The following RC3H1 variants were observed in gnomAD, a reference collection of about 807,000 sequenced individuals.
RC3H1 encodes the protein roquin-1.
In RC3H1, 50 loss-of-function variants were observed where a neutral mutation model predicts 138.2. The ratio of observed to expected loss-of-function variants is 0.36; its 90% CI spans 0.29 to 0.46. The LOEUF is 0.46. Among genes scored for constraint, RC3H1 ranks in the 20% least tolerant of loss-of-function variants. RC3H1 has a pLI of 1.00. For missense variants in RC3H1, 1,031 were observed against 1,388.1 expected (o/e 0.74, Z 4.09); for synonymous variants, 462 against 489.1 (o/e 0.94, Z 0.73).
At chr1:173,962,194 A>ATAATCTACT in intron 11 of RC3H1, 99 bp from the exon 12 acceptor site, 1 of 1,112,098 alleles carries the variant, frequency 9.0e-7, no homozygotes, top group Non-Finnish European at 1.3e-6. Flanking sequence ...TAAAGTATTG[A>ATAATCTACT]TAATCTACTT....
intron 10 of RC3H1, among the ~76,000 whole-genome samples, chr1:173,964,473 T>C (rs1387466449): frequency 2.0e-5 from 3 of 152,148 alleles, no homozygotes; most frequent in Non-Finnish European, 1.5e-5. Context: ...GTTCAAGCGA[T>C]TCTCATGCTT....
chr1:173,955,086 C>T (rs1206043405), intron 13 of RC3H1, among the ~76,000 whole-genome samples: 2 of 150,748 alleles, frequency 1.3e-5, no homozygotes, highest in Non-Finnish European at 3.0e-5. Context: ...ATTAGCCAAG[C>T]GTGGTGGCGG....
intron 2 of RC3H1, among the ~76,000 whole-genome samples, chr1:173,985,358 A>G (rs1660983459): frequency 6.7e-6 from 1 of 148,786 alleles, no homozygotes; most frequent in Non-Finnish European, 1.5e-5. Flanking sequence ...AAAACTGCCA[A>G]ACTATTTTCC....
rs1386934948 is a variant in RC3H1 at position 174,022,205 on chromosome 1, C to G, written c.-260G>C. ...GCCACCGTTGACTCTGATTCTGTCCCAGGCCGCCGGGCCACGGCTGCCGCC... is the reference window on the plus strand; with the variant it reads ...GCCACCGTTGACTCTGATTCTGTCCGAGGCCGCCGGGCCACGGCTGCCGCC... On this transcript the variant is annotated 5_prime_UTR_variant, in exon 1 of 20. Coordinates refer to ENST00000367696, the MANE Select transcript of RC3H1 (RefSeq NM_172071.4). The surrounding 1 kb of genome is among the most constrained non-coding windows in gnomAD (Gnocchi z 4.2). 7.6e-6 allele frequency: 3 copies of G among 395,104 alleles called. No homozygotes were observed. Among genetic ancestry groups the G allele is most frequent in the Non-Finnish European group, 1.3e-5 (3 of 224,532 alleles). 24.5% of individuals were successfully genotyped at this position (395,104 alleles called of 1,614,324 possible).
At chr1:173,974,619 C>T (rs1660498122) in intron 7 of RC3H1, among the ~76,000 whole-genome samples, 1 of 151,490 alleles carries the variant, frequency 6.6e-6, no homozygotes, top group Admixed American at 6.6e-5. Context: ...GTGTGCCTGG[C>T]ATGTTGCATG....
In RC3H1 at chr1:173,980,912, T is replaced by C. The variant is rs766132346; in HGVS notation, c.866A>G (p.Gln289Arg). Residue 289 changes from glutamine to arginine, a missense_variant, in exon 6 of 20, where the codon CAG becomes CGG. Coordinates refer to ENST00000367696, the MANE Select transcript of RC3H1 (RefSeq NM_172071.4). ...TCGTAAGCCTGCTTCCATAGCAATCTGCACTATCTGGGAGTCATGTTCTCG... is the reference window on the plus strand; with the variant it reads ...TCGTAAGCCTGCTTCCATAGCAATCCGCACTATCTGGGAGTCATGTTCTCG... Reference protein sequence around the residue: ...LRREHDSQIVQIAMEAGLRIA... With the variant: ...LRREHDSQIVRIAMEAGLRIA... 1 of 1,614,086 alleles carries C rather than the reference T, an allele frequency of 6.2e-7. No individual in the cohort carries two copies. Among genetic ancestry groups the C allele is most frequent in the Non-Finnish European group, 8.5e-7 (1 of 1,179,942 alleles).
intron 19 of RC3H1, among the ~76,000 whole-genome samples, chr1:173,939,810 G>A (rs1044876787): frequency 5.3e-5 from 8 of 152,072 alleles, no homozygotes; most frequent in African/African-American, 1.4e-4. Flanking sequence ...ACTCCAGCCT[G>A]GGTGACGGAG....
chr1:173,983,802 C>T (rs777346636), intron 3 of RC3H1, 145 bp from the exon 4 acceptor site: 14 of 741,588 alleles, frequency 1.9e-5, no homozygotes, highest in African/African-American at 1.4e-4. Context: ...TAAAACCACA[C>T]ATGTAAAGCT....
chr1:174,012,918 T>A (rs1441615456), intron 1 of RC3H1, among the ~76,000 whole-genome samples: 2 of 150,392 alleles, frequency 1.3e-5, no homozygotes, highest in African/African-American at 2.5e-5. Flanking sequence ...TAGAGGAAAA[T>A]AAAAAACAAA....
At position 173,952,079 on chromosome 1, in the gene RC3H1, G is replaced by A; in HGVS notation, c.2430C>T (p.Tyr810=). ...GKYKGNDYSQ[Y]SPWSCDTIGS... is the part of the protein sequence containing the mutation. Reference sequence around the variant, plus strand: ...CGATGGTGTCACATGACCAGGGAGAGTATTGGCTATAATCATTTCCTTTGT... The same window carrying A: ...CGATGGTGTCACATGACCAGGGAGAATATTGGCTATAATCATTTCCTTTGT... Residue 810 remains tyrosine, a synonymous_variant, in exon 14 of 20, where the codon TAC becomes TAT. Coordinates refer to ENST00000367696, the MANE Select transcript of RC3H1 (RefSeq NM_172071.4). 1.9e-6 allele frequency: 3 copies of A among 1,602,058 alleles called. No individual in the cohort carries two copies. Among genetic ancestry groups the A allele is most frequent in the Non-Finnish European group, 2.6e-6 (3 of 1,174,304 alleles).
At chr1:174,016,961 G>C (rs1476867152) in intron 1 of RC3H1, among the ~76,000 whole-genome samples, 1 of 152,152 alleles carries the variant, frequency 6.6e-6, no homozygotes, top group Non-Finnish European at 1.5e-5. Context: ...TTTTAGAGGT[G>C]ATCAGGTATA....
At chr1:173,957,378 A>G (rs1041119651) in intron 13 of RC3H1, among the ~76,000 whole-genome samples, 21 of 152,190 alleles carry the variant, frequency 1.4e-4, no homozygotes, top group Non-Finnish European at 2.6e-4. Flanking sequence ...TAAAAAGATC[A>G]CACAGTGAAG....
chr1:173,938,573 A>T lies in RC3H1; in HGVS notation c.*148T>A. On this transcript the variant is annotated 3_prime_UTR_variant, in exon 20 of 20. Transcript: ENST00000367696. ...ACTATGTGCAGGGTTTGTTTTTAGT[A>T]GTGGTGTTTGTGCACATTGCCTCTG... 1.9e-6 allele frequency: 1 copy of T among 517,750 alleles called. No individual in the cohort carries two copies. The highest frequency in any genetic ancestry group is 3.4e-6 in the Non-Finnish European group (1 of 294,134). The allele number at this position is 517,750 out of a possible 1,614,324, so 32.1% of individuals were successfully genotyped here.
intron 13 of RC3H1, among the ~76,000 whole-genome samples, chr1:173,959,926 T>A (rs1659795791): frequency 6.6e-6 from 1 of 151,674 alleles, no homozygotes; most frequent in South Asian, 2.1e-4. Context: ...GCCAACATGG[T>A]GAAACCGTGT....
intron 1 of RC3H1, among the ~76,000 whole-genome samples, chr1:174,008,049 C>T (rs997583199): frequency 3.3e-5 from 5 of 152,162 alleles, no homozygotes; most frequent in Non-Finnish European, 5.9e-5. Flanking sequence ...CTATTACTTG[C>T]TTCTATTTCT....
intron 14 of RC3H1, among the ~76,000 whole-genome samples, chr1:173,951,553 T>C (rs915691764): frequency 3.9e-5 from 6 of 152,206 alleles, no homozygotes; most frequent in Non-Finnish European, 8.8e-5. Flanking sequence ...AAAATTTTTT[T>C]TTTTTGAGAC....
At chr1:173,985,325 G>C (rs141729659) in intron 2 of RC3H1, among the ~76,000 whole-genome samples, 1,876 of 147,736 alleles carry the variant, frequency 0.013, 43 homozygotes, top group African/African-American at 0.045. Context: ...TATATACCTA[G>C]GAGTCTGTAT....
intron 19 of RC3H1, among the ~76,000 whole-genome samples, chr1:173,939,434 G>C (rs1658737365): frequency 6.7e-6 from 1 of 149,654 alleles, no homozygotes; most frequent in African/African-American, 2.5e-5. Context: ...GGGAGGCAGA[G>C]GCACAAGAAT....
intron 7 of RC3H1, among the ~76,000 whole-genome samples, chr1:173,973,508 C>A (rs530063038): frequency 6.6e-6 from 1 of 150,420 alleles, no homozygotes; most frequent in Non-Finnish European, 1.5e-5. Context: ...TGCACTCCAT[C>A]CTGGTGACAG....
Sources: gnomAD v4.1 joint callset for allele counts (sites outside exome capture counted in the v4.1 genomes callset) on GRCh38, gnomAD v4.1.1 for gene constraint, Gnocchi (gnomAD v3.1) non-coding constraint, MANE v1.5 for transcripts, NCBI Gene and HGNC (gene_info 2026-07-23, HGNC 2026-07-21) for gene names.